The following PRKDC variants were observed in gnomAD, a reference collection of about 807,000 sequenced individuals.
PRKDC encodes DNA-dependent protein kinase catalytic subunit.
PRKDC carries 82 observed loss-of-function variants against 486.9 expected under a neutral mutation model. The observed-to-expected ratio is 0.17, with a 90% CI of 0.14 to 0.20. PRKDC has a LOEUF of 0.20. PRKDC is among the 10% of genes least tolerant of loss of function. PRKDC has a pLI of 1.00. For missense variants in PRKDC, 4,504 were observed against 5,038.2 expected (o/e 0.89, Z 3.21); for synonymous variants, 1,895 against 1,837.0 (o/e 1.03, Z -0.81).
intron 54 of PRKDC, 26 bp from the exon 55 acceptor site, chr8:47,840,215 C>A: frequency 6.5e-7 from 1 of 1,542,196 alleles, no homozygotes; most frequent in Non-Finnish European, 8.8e-7. Flanking sequence ...TAAAAACACA[C>A]AAATTTAGCT....
At chr8:47,790,159 C>A (rs1441614451) in intron 74 of PRKDC, among the ~76,000 whole-genome samples, 1 of 152,146 alleles carries the variant, frequency 6.6e-6, no homozygotes, top group Non-Finnish European at 1.5e-5. Flanking sequence ...TATTTGGAGG[C>A]ACCTAAAGAC....
Position 47,831,815 on chromosome 8 carries a change from T to G in PRKDC, c.8264A>C (p.Lys2755Thr), listed in dbSNP as rs748466033. Residue 2755 changes from lysine to threonine, a missense_variant and splice_region_variant, in exon 60 of 86, where the codon AAG (lysine) becomes ACG (threonine). Physicochemically the swap from Lys to Thr is moderately conservative, Grantham distance 78. Transcript: ENST00000314191. ...RKGVAEQKRE[K>T]EIKSELKMKQ... ...TCAAATTCTTGACAAGATACAAACC[T>G]TCTCTCGTTTTTGCTCAGCAACGCC... is the stretch of plus-strand genomic sequence containing the variant. The G allele has an allele frequency of 1.4e-5, 22 of 1,613,458 alleles. No homozygotes were observed. The highest frequency in any genetic ancestry group is 1.0e-4 in the Admixed American group (6 of 60,002).
intron 23 of PRKDC, among the ~76,000 whole-genome samples, chr8:47,914,348 C>T (rs998992220): frequency 1.3e-5 from 2 of 151,940 alleles, no homozygotes; most frequent in Non-Finnish European, 2.9e-5. Context: ...AGAAGAAAGT[C>T]AATGAACAAA....
intron 21 of PRKDC, among the ~76,000 whole-genome samples, chr8:47,922,354 C>A (rs2090085760): frequency 6.6e-6 from 1 of 152,056 alleles, no homozygotes; most frequent in Admixed American, 6.5e-5. Context: ...CACCTGTAAT[C>A]CCAGCCACTT....
intron 7 of PRKDC, among the ~76,000 whole-genome samples, chr8:47,946,433 C>A (rs574234732): frequency 3.3e-5 from 5 of 152,240 alleles, no homozygotes; most frequent in Non-Finnish European, 7.4e-5. Flanking sequence ...CACTTCCTCC[C>A]GCTCTTCACT....
At chr8:47,956,668 A>C (rs2154504705) in intron 3 of PRKDC, among the ~76,000 whole-genome samples, 1 of 152,168 alleles carries the variant, frequency 6.6e-6, no homozygotes, top group South Asian at 2.1e-4. Flanking sequence ...GCACCACTGC[A>C]CTCCAGCCTG....
chr8:47,825,159 A>G (rs1018447119), intron 63 of PRKDC, among the ~76,000 whole-genome samples: 1 of 152,138 alleles, frequency 6.6e-6, no homozygotes, highest in East Asian at 1.9e-4. Flanking sequence ...GAAAGAGATC[A>G]CCTACATACC....
intron 1 of PRKDC, among the ~76,000 whole-genome samples, chr8:47,958,488 C>G (rs1192586864): frequency 1.3e-5 from 2 of 152,062 alleles, no homozygotes; most frequent in African/African-American, 4.8e-5. Flanking sequence ...GTAATTGTTA[C>G]AGCAGCAATA....
intron 70 of PRKDC, among the ~76,000 whole-genome samples, chr8:47,802,623 G>A (rs906710832): frequency 6.6e-5 from 10 of 151,360 alleles, no homozygotes; most frequent in South Asian, 4.2e-4. Context: ...GAAGACAGGC[G>A]CCTGCCACCA....
intron 58 of PRKDC, 129 bp downstream of exon 58, chr8:47,836,209 C>T (rs2088017792): frequency 2.1e-6 from 2 of 958,966 alleles, no homozygotes; most frequent in African/African-American, 1.7e-5. Flanking sequence ...ATGACATCTT[C>T]CTTGGGTTCT....
At position 47,882,117 on chromosome 8, in the gene PRKDC, A is replaced by C. The variant is rs1474138127; in HGVS notation, c.4777-20T>G. 2 of 1,580,580 alleles carry C rather than the reference A, an allele frequency of 1.3e-6. No homozygotes were observed. Among genetic ancestry groups the C allele is most frequent in the South Asian group, 2.3e-5 (2 of 85,400 alleles). On this transcript the variant is annotated intron_variant, in intron 36 of 85. Coordinates refer to ENST00000314191, the MANE Select transcript of PRKDC (RefSeq NM_006904.7). Reference sequence around the variant, plus strand: ...ACTCACCTGAGACAATTTCGTTGTGAGTGAAGAAAAATTCTTAATTTTGAG... The same window carrying C: ...ACTCACCTGAGACAATTTCGTTGTGCGTGAAGAAAAATTCTTAATTTTGAG...
Position 47,789,178 on chromosome 8 carries a change from C to T in PRKDC, c.10731G>A (p.Gln3577=). 3 of 1,612,510 alleles carry T rather than the reference C, an allele frequency of 1.9e-6. No homozygotes were observed. Among genetic ancestry groups the T allele is most frequent in the Non-Finnish European group, 2.5e-6 (3 of 1,179,238 alleles). The change falls in exon 75 of 86, where the codon CAG becomes CAA. Residue 3577 remains glutamine, a synonymous_variant. Coordinates refer to ENST00000314191, the MANE Select transcript of PRKDC (RefSeq NM_006904.7). ...TAAAGAGCAGTTCAGGATTAGAGAG[C>T]TGATCTAAGGCATTAATAAAATCTT... is the stretch of plus-strand genomic sequence containing the variant. ...VIQDFINALD[Q]LSNPELLFKD...
chr8:47,941,198 A>C (rs1177168028), intron 10 of PRKDC, among the ~76,000 whole-genome samples: 1 of 152,160 alleles, frequency 6.6e-6, no homozygotes, highest in Non-Finnish European at 1.5e-5. Context: ...TGTGAGGAAA[A>C]TATATTCAAC....
At chr8:47,902,350 T>C (rs1200462835) in intron 27 of PRKDC, among the ~76,000 whole-genome samples, 3 of 152,232 alleles carry the variant, frequency 2.0e-5, no homozygotes, top group Non-Finnish European at 2.9e-5. Flanking sequence ...ATTTCCAAAA[T>C]GGCTGAGACA....
At chr8:47,900,581 G>T (rs754064272) in intron 27 of PRKDC, 114 bp from the exon 28 acceptor site, 51 of 961,008 alleles carry the variant, frequency 5.3e-5, no homozygotes, top group Non-Finnish European at 7.1e-5. Context: ...GTTTTTTGTG[G>T]CCGGGTGCGG....
chr8:47,808,847 G>A (rs1281131279), intron 68 of PRKDC, among the ~76,000 whole-genome samples: 1 of 151,832 alleles, frequency 6.6e-6, no homozygotes, highest in East Asian at 1.9e-4. Context: ...GAACACCCTG[G>A]GCAACATAGT....
chr8:47,806,502 A>G (rs1161754572), intron 69 of PRKDC, among the ~76,000 whole-genome samples: 1 of 152,250 alleles, frequency 6.6e-6, no homozygotes, highest in African/African-American at 2.4e-5. Context: ...TACAAAAAAG[A>G]AGTATTATTT....
At chr8:47,930,604 T>C in intron 17 of PRKDC, 68 bp downstream of exon 17, 1 of 1,431,744 alleles carries the variant, frequency 7.0e-7, no homozygotes, top group African/African-American at 1.4e-5. Context: ...ATATAAGGAA[T>C]TTCCTATATT....
chr8:47,831,425 C>A (rs550422842), intron 60 of PRKDC, among the ~76,000 whole-genome samples: 1 of 152,236 alleles, frequency 6.6e-6, no homozygotes, highest in Non-Finnish European at 1.5e-5. Context: ...AGTCTCCACG[C>A]CACGGGAAGG....
Sources: allele counts gnomAD v4.1 joint callset (sites outside exome capture counted in the v4.1 genomes callset), GRCh38; gene constraint gnomAD v4.1.1; transcripts MANE v1.5; gene names NCBI Gene and HGNC (gene_info 2026-07-23, HGNC 2026-07-21).